The following LHFPL2 variants were observed in gnomAD, a reference collection of about 807,000 sequenced individuals.
LHFPL2 encodes the protein LHFPL tetraspan subfamily member 2, also known as LHFPL tetraspan subfamily member 2 protein.
Under a neutral mutation model 17.5 loss-of-function variants are expected in LHFPL2, and 7 were observed. The ratio of observed to expected loss-of-function variants is 0.40; its 90% CI spans 0.23 to 0.75. The LOEUF (loss-of-function observed/expected upper bound fraction) is 0.75, where lower values mean the gene tolerates loss of function less well. Among genes scored for constraint, LHFPL2 ranks in the 30% least tolerant of loss-of-function variants. The pLI, the probability that LHFPL2 is intolerant of heterozygous loss-of-function variation, is 0.37. For missense variants in LHFPL2, 241 were observed against 294.8 expected (o/e 0.82, Z 1.34); for synonymous variants, 134 against 116.2 (o/e 1.15, Z -0.99).
chr5:78,498,026 CAGCACGCGGGAGA>C (rs1042810670), intron 4 of LHFPL2, among the ~76,000 whole-genome samples: 3 of 152,184 alleles, frequency 2.0e-5, no homozygotes, highest in African/African-American at 7.2e-5. Flanking sequence ...AGGAGAGGAG[CAGCACGCGGGAGA>C]AGGACGGGAA....
At chr5:78,615,816 T>C (rs1272393111) in intron 2 of LHFPL2, among the ~76,000 whole-genome samples, 1 of 152,126 alleles carries the variant, frequency 6.6e-6, no homozygotes, top group Non-Finnish European at 1.5e-5. Flanking sequence ...ACACAAAAAA[T>C]ACAACACCCA....
intron 3 of LHFPL2, among the ~76,000 whole-genome samples, chr5:78,557,154 A>G (rs547336115): frequency 6.6e-6 from 1 of 152,284 alleles, no homozygotes; most frequent in African/African-American, 2.4e-5. Context: ...GGGCAGGTGA[A>G]AAACCACCTT....
At chr5:78,553,891 A>G (rs1391971946) in intron 3 of LHFPL2, among the ~76,000 whole-genome samples, 1 of 152,230 alleles carries the variant, frequency 6.6e-6, no homozygotes, top group Non-Finnish European at 1.5e-5. Context: ...CTGACAATTC[A>G]GTTGTCCCAT....
At chr5:78,572,658 GC>G (rs1311115849) in intron 2 of LHFPL2, among the ~76,000 whole-genome samples, 1 of 152,002 alleles carries the variant, frequency 6.6e-6, no homozygotes, top group Non-Finnish European at 1.5e-5. Flanking sequence ...TTTACACCAG[GC>G]TGTGTTTTTC....
chr5:78,582,651 C>A (rs148528978), intron 2 of LHFPL2, among the ~76,000 whole-genome samples: 1 of 152,048 alleles, frequency 6.6e-6, no homozygotes, highest in Non-Finnish European at 1.5e-5. Flanking sequence ...GTCTGAGAGA[C>A]AGTTTGTTAT....
intron 2 of LHFPL2, among the ~76,000 whole-genome samples, chr5:78,620,938 C>T (rs1190170203): frequency 2.6e-5 from 4 of 151,256 alleles, no homozygotes; most frequent in East Asian, 1.9e-4. Flanking sequence ...AAGAGTTCTC[C>T]TACTAAAAGA....
chr5:78,617,175 C>G (rs908377466), intron 2 of LHFPL2, among the ~76,000 whole-genome samples: 1 of 152,070 alleles, frequency 6.6e-6, no homozygotes, highest in Non-Finnish European at 1.5e-5. Flanking sequence ...ATTACAGGTG[C>G]GTGTCACCAC....
intron 2 of LHFPL2, among the ~76,000 whole-genome samples, chr5:78,598,002 G>A (rs892583247): frequency 6.6e-6 from 1 of 152,094 alleles, no homozygotes; most frequent in Non-Finnish European, 1.5e-5. Flanking sequence ...AAATAACAAT[G>A]GAATCCAACT....
At chr5:78,579,406 T>G (rs1281300954) in intron 2 of LHFPL2, among the ~76,000 whole-genome samples, 4 of 152,126 alleles carry the variant, frequency 2.6e-5, no homozygotes, top group Admixed American at 2.6e-4. Context: ...GTTAGTTACA[T>G]ATGTATACAT....
intron 3 of LHFPL2, among the ~76,000 whole-genome samples, chr5:78,548,857 A>C (rs1384733832): frequency 7.9e-5 from 12 of 152,238 alleles, no homozygotes; most frequent in Admixed American, 7.9e-4. Flanking sequence ...CTATCCAGAA[A>C]TTTAGATTTA....
At chr5:78,572,521 T>C (rs535052737) in intron 2 of LHFPL2, among the ~76,000 whole-genome samples, 42 of 141,420 alleles carry the variant, frequency 3.0e-4, no homozygotes, top group East Asian at 5.9e-4. Context: ...TACACACACA[T>C]ATATATATAT....
chr5:78,562,702 A>AC (rs751491029), intron 3 of LHFPL2, among the ~76,000 whole-genome samples: 17 of 152,092 alleles, frequency 1.1e-4, no homozygotes, highest in Non-Finnish European at 1.9e-4. Context: ...TTAACTCAGA[A>AC]TGTCTGTTCT....
intron 3 of LHFPL2, among the ~76,000 whole-genome samples, chr5:78,561,176 A>G (rs1358133333): frequency 2.0e-5 from 3 of 152,252 alleles, no homozygotes; most frequent in Non-Finnish European, 4.4e-5. Context: ...AAATTTATAA[A>G]ATTTACAGTA....
chr5:78,610,958 C>T (rs1352964616), intron 2 of LHFPL2, among the ~76,000 whole-genome samples: 1 of 152,046 alleles, frequency 6.6e-6, no homozygotes, highest in African/African-American at 2.4e-5. Context: ...TAAGTGTCCT[C>T]CTCAAGGAGC....
At chr5:78,596,861 T>G (rs1743844867) in intron 2 of LHFPL2, among the ~76,000 whole-genome samples, 1 of 152,192 alleles carries the variant, frequency 6.6e-6, no homozygotes, top group African/African-American at 2.4e-5. Context: ...TGCTCCCAAA[T>G]TTTTGCCTTC....
At chr5:78,631,548 GT>G (rs1561373705) in intron 2 of LHFPL2, among the ~76,000 whole-genome samples, 1 of 152,240 alleles carries the variant, frequency 6.6e-6, no homozygotes, top group East Asian at 1.9e-4. Flanking sequence ...AGTCCAATGT[GT>G]TGTGTGAGCA....
chr5:78,506,038 G>A lies in LHFPL2; in HGVS notation c.430+3746C>T, dbSNP rs549418932. ...GCACAGTATTTAGAAAGTATCAGCCGGGTGTCCACCTAATGGTGCCCTGAA... is the reference window on the plus strand; with the variant it reads ...GCACAGTATTTAGAAAGTATCAGCCAGGTGTCCACCTAATGGTGCCCTGAA... On this transcript the variant is annotated intron_variant, in intron 4 of 4. Transcript: ENST00000380345. Among the ~76,000 whole-genome samples the A allele has an allele frequency of 2.3e-4, 35 of 152,342 alleles. No individual in the cohort carries two copies. In the South Asian group the frequency reaches 3.3e-3, roughly 14 times the overall value.
At chr5:78,603,185 C>G (rs1444004127) in intron 2 of LHFPL2, among the ~76,000 whole-genome samples, 3 of 152,330 alleles carry the variant, frequency 2.0e-5, no homozygotes, top group Admixed American at 6.5e-5. Flanking sequence ...AGCCACCATA[C>G]CTAGCCGAGG....
At chr5:78,635,804 A>AAAACAAAC (rs35936466) in intron 1 of LHFPL2, among the ~76,000 whole-genome samples, 3,519 of 151,402 alleles carry the variant, frequency 0.023, 153 homozygotes, top group African/African-American at 0.08. Flanking sequence ...CTCCGTCTCA[A>AAAACAAAC]AAACAAACAA....
Sources: gnomAD v4.1 joint callset for allele counts (sites outside exome capture counted in the v4.1 genomes callset) on GRCh38, gnomAD v4.1.1 for gene constraint, MANE v1.5 for transcripts, NCBI Gene and HGNC (gene_info 2026-07-23, HGNC 2026-07-21) for gene names.